RBFOX1: variants seen among roughly 807,000 people sequenced by gnomAD.
RBFOX1 encodes the protein RNA binding fox-1 homolog 1.
RBFOX1 carries 8 observed loss-of-function variants against 57.7 expected under a neutral mutation model. The ratio of observed to expected loss-of-function variants is 0.14; its 90% CI spans 0.08 to 0.25. RBFOX1 has a LOEUF of 0.25. Ranked by LOEUF, RBFOX1 falls within the 10% of genes least tolerant of loss-of-function variation. The probability of loss-of-function intolerance (pLI) is 1.00; values close to 1 mark genes in which losing one functional copy is unlikely to be tolerated. For missense variants in RBFOX1, 611 were observed against 548.5 expected (o/e 1.11, Z -1.14); for synonymous variants, 326 against 222.4 (o/e 1.47, Z -4.15).
chr16:5,744,546 T>C (rs2052901505), intron 3 of RBFOX1, among the ~76,000 whole-genome samples: 1 of 152,190 alleles, frequency 6.6e-6, no homozygotes, highest in Non-Finnish European at 1.5e-5. Flanking sequence ...CACTGATGAC[T>C]TGAAATTGGA....
At chr16:6,833,275 C>T (rs2141126833) in intron 3 of RBFOX1, among the ~76,000 whole-genome samples, 1 of 152,142 alleles carries the variant, frequency 6.6e-6, no homozygotes, top group South Asian at 2.1e-4. Context: ...AAGAGATTCT[C>T]CTGCCTCAGC....
At chr16:6,446,459 G>A (rs1364844049) in intron 2 of RBFOX1, among the ~76,000 whole-genome samples, 1 of 152,124 alleles carries the variant, frequency 6.6e-6, no homozygotes, top group South Asian at 2.1e-4. Context: ...CTCATGTAAG[G>A]GACATTCAAG....
chr16:7,158,854 C>T (rs1448106645), intron 4 of RBFOX1, among the ~76,000 whole-genome samples: 1 of 151,604 alleles, frequency 6.6e-6, no homozygotes, highest in East Asian at 1.9e-4. Context: ...TGTGTGTGTG[C>T]ATGTGTGTGT....
intron 5 of RBFOX1, among the ~76,000 whole-genome samples, chr16:7,527,244 T>C (rs1648254180): frequency 6.6e-6 from 1 of 152,208 alleles, no homozygotes; most frequent in African/African-American, 2.4e-5. Flanking sequence ...ACTATGCTTC[T>C]CACTCCCATG....
chr16:6,284,775 T>A (rs746352887), intron 1 of RBFOX1, among the ~76,000 whole-genome samples: 5 of 152,166 alleles, frequency 3.3e-5, no homozygotes, highest in Non-Finnish European at 7.4e-5. Context: ...TCATTGGTAT[T>A]CAGCTAGGTG....
rs2097462562 is a variant in RBFOX1 at position 6,577,743 on chromosome 16, T to A, written c.-63-76860T>A. Among the ~76,000 whole-genome samples the A allele has an allele frequency of 2.0e-5, 3 of 152,344 alleles. 1 individual carries two copies. In the South Asian group the frequency reaches 6.2e-4, roughly 32 times the overall value. The stretch of plus-strand genomic sequence containing the variant: ...GCTTTGACAAGGAAGTGACACACCC[T>A]ACTATCACCAAATCCCATTGGCCAG... On this transcript the variant is annotated intron_variant, in intron 2 of 15. Transcript: ENST00000550418.
intron 4 of RBFOX1, among the ~76,000 whole-genome samples, chr16:7,288,013 T>C (rs1020004798): frequency 6.6e-6 from 1 of 152,208 alleles, no homozygotes; most frequent in Non-Finnish European, 1.5e-5. Flanking sequence ...GTGTATTTGC[T>C]GGCTGAGATC....
At chr16:7,287,075 G>A (rs953354200) in intron 4 of RBFOX1, among the ~76,000 whole-genome samples, 5 of 152,170 alleles carry the variant, frequency 3.3e-5, no homozygotes, top group African/African-American at 1.2e-4. Flanking sequence ...GGTTAACTTT[G>A]TTCCAAGATC....
chr16:5,966,187 AC>A (rs140688763), intron 4 of RBFOX1, among the ~76,000 whole-genome samples: 2,961 of 152,258 alleles, frequency 0.019, 85 homozygotes, highest in African/African-American at 0.065. Context: ...TCATAAAGCC[AC>A]CGTGAGTGAT....
intron 3 of RBFOX1, among the ~76,000 whole-genome samples, chr16:5,807,301 C>T (rs2055262174): frequency 6.6e-6 from 1 of 152,252 alleles, no homozygotes; most frequent in East Asian, 1.9e-4. Flanking sequence ...CAGTTTGAGG[C>T]TCCAACCACC....
chr16:5,593,788 T>C (rs1302385885), intron 2 of RBFOX1, among the ~76,000 whole-genome samples: 1 of 152,214 alleles, frequency 6.6e-6, no homozygotes, highest in South Asian at 2.1e-4. Flanking sequence ...ATTCCTTTAC[T>C]TTCCTAATCA....
chr16:6,563,062 AG>A (rs1263568299), intron 2 of RBFOX1, among the ~76,000 whole-genome samples: 1 of 151,914 alleles, frequency 6.6e-6, no homozygotes, highest in Non-Finnish European at 1.5e-5. Flanking sequence ...CTGCAGGGGC[AG>A]GGGGCCATGG....
chr16:7,399,617 G>A (rs1220706608), intron 4 of RBFOX1, among the ~76,000 whole-genome samples: 1 of 152,046 alleles, frequency 6.6e-6, no homozygotes, highest in Non-Finnish European at 1.5e-5. Context: ...GATGCATCTC[G>A]TCCATTTCTG....
At chr16:5,614,172 C>T (rs1229906245) in intron 3 of RBFOX1, among the ~76,000 whole-genome samples, 2 of 152,156 alleles carry the variant, frequency 1.3e-5, no homozygotes, top group East Asian at 1.9e-4. Context: ...TTGGGGGATC[C>T]TGTCCTGTCA....
intron 4 of RBFOX1, among the ~76,000 whole-genome samples, chr16:7,299,110 C>A (rs1365051883): frequency 6.6e-6 from 1 of 152,120 alleles, no homozygotes; most frequent in Non-Finnish European, 1.5e-5. Context: ...ATAGTGAGCA[C>A]CAAAATATTA....
intron 1 of RBFOX1, among the ~76,000 whole-genome samples, chr16:6,074,158 C>T (rs12925501): frequency 0.16 from 24,762 of 152,062 alleles, 2,554 homozygotes; most frequent in Non-Finnish European, 0.22. Context: ...CCATGTTAGC[C>T]ATCATGGTCT....
chr16:6,595,711 C>T (rs945889324), intron 2 of RBFOX1, among the ~76,000 whole-genome samples: 3 of 152,096 alleles, frequency 2.0e-5, no homozygotes, highest in East Asian at 1.9e-4. Context: ...CACATCGTCA[C>T]GAATACTTGT....
intron 1 of RBFOX1, among the ~76,000 whole-genome samples, chr16:5,464,799 G>A (rs2068902519): frequency 6.6e-6 from 1 of 152,210 alleles, no homozygotes. Flanking sequence ...TAGAGAAGGA[G>A]GGCTTGGAGA....
intron 3 of RBFOX1, among the ~76,000 whole-genome samples, chr16:6,719,576 G>T (rs1457120288): frequency 6.6e-6 from 1 of 151,666 alleles, no homozygotes; most frequent in Non-Finnish European, 1.5e-5. Context: ...GAGTAGCTGG[G>T]ACTACAGGTG....
Sources: gnomAD v4.1 joint callset for allele counts (sites outside exome capture counted in the v4.1 genomes callset) on GRCh38, gnomAD v4.1.1 for gene constraint, MANE v1.5 for transcripts, NCBI Gene and HGNC (gene_info 2026-07-23, HGNC 2026-07-21) for gene names.